ATG7: variants seen among roughly 807,000 people sequenced by gnomAD.
The protein encoded by ATG7 is ubiquitin-like modifier-activating enzyme ATG7.
Under a neutral mutation model 82.4 loss-of-function variants are expected in ATG7, and 70 were observed. That is an observed-to-expected ratio of 0.85 (90% CI 0.70 to 1.04). The LOEUF is 1.04. Ranked by LOEUF, ATG7 falls within the 50% of genes least tolerant of loss-of-function variation. ATG7 has a pLI of 0.00. For synonymous variants in ATG7, 287 were observed against 313.0 expected, an observed-to-expected ratio of 0.92 and a Z score of 0.88; for missense variants, 792 against 864.3, an observed-to-expected ratio of 0.92 and a Z score of 1.05.
chr3:11,393,003 C>T (rs999160064), intron 19 of ATG7, among the ~76,000 whole-genome samples: 4 of 152,274 alleles, frequency 2.6e-5, no homozygotes, highest in South Asian at 4.1e-4. Flanking sequence ...ATGTATCTCA[C>T]GTCAAAGTTT....
At chr3:11,340,559 G>A (rs1246666963) in intron 11 of ATG7, 86 bp from the exon 12 acceptor site, 10 of 1,217,586 alleles carry the variant, frequency 8.2e-6, no homozygotes, top group African/African-American at 6.1e-5. Flanking sequence ...TATGAATGTC[G>A]ATCTTTTTTA....
chr3:11,339,344 A>G (rs1283316923), intron 11 of ATG7, among the ~76,000 whole-genome samples: 2 of 151,960 alleles, frequency 1.3e-5, no homozygotes, highest in African/African-American at 2.4e-5. Context: ...GTATAATTAG[A>G]AACAAAATTA....
intron 20 of ATG7, among the ~76,000 whole-genome samples, chr3:11,483,512 C>G (rs1052128667): frequency 2.0e-5 from 3 of 152,142 alleles, no homozygotes; most frequent in Non-Finnish European, 4.4e-5. Context: ...ACTGCACTCC[C>G]CTTCCGATGT....
chr3:11,285,601 C>G (rs2152655915), intron 3 of ATG7, among the ~76,000 whole-genome samples: 1 of 152,304 alleles, frequency 6.6e-6, no homozygotes, highest in East Asian at 1.9e-4. Flanking sequence ...ATATTTCCAT[C>G]TCCCCAGGAG....
chr3:11,386,074 G>C (rs2078296905), intron 19 of ATG7, among the ~76,000 whole-genome samples: 1 of 152,150 alleles, frequency 6.6e-6, no homozygotes, highest in African/African-American at 2.4e-5. Context: ...GTGGTGTGGA[G>C]GGCAGGAAGT....
the ATG7 span, chr3:11,564,631 T>C: frequency 1.2e-6 from 1 of 810,336 alleles, no homozygotes; most frequent in Non-Finnish European, 1.9e-6. Flanking sequence ...CTGTCCCTTG[T>C]CCCAAGTGCA....
chr3:11,406,473 C>T (rs1030650341), intron 19 of ATG7, among the ~76,000 whole-genome samples: 1 of 151,856 alleles, frequency 6.6e-6, no homozygotes, highest in African/African-American at 2.4e-5. Flanking sequence ...GCCCAGTTAA[C>T]TTAAAAAAAA....
rs549891757 is a variant in ATG7, at chr3:11,379,947, ATTGTT to A, written c.1876-13_1876-9del. ...TGTGGTCGTTGTGTGTTTGATGTGAATTGTTTTGTTTTGTTTGTTTTTAGATCCGG... is the reference window on the plus strand; with the variant it reads ...TGTGGTCGTTGTGTGTTTGATGTGAATTGTTTTGTTTGTTTTTAGATCCGG... On this transcript the variant is annotated intron_variant, in intron 18 of 20. Transcript: ENST00000693202. 227 of 1,607,750 alleles carry A rather than the reference ATTGTT, an allele frequency of 1.4e-4. 1 individual carries two copies. In the African/African-American group the frequency reaches 2.2e-3, roughly 16 times the overall value.
At chr3:11,529,019 G>GGAC (rs1410754746) in intron 20 of ATG7, among the ~76,000 whole-genome samples, 2 of 151,978 alleles carry the variant, frequency 1.3e-5, no homozygotes, top group African/African-American at 4.8e-5. Flanking sequence ...TGGGCCTGGA[G>GGAC]GACATTTCAG....
At chr3:11,476,879 A>T (rs1250317129) in intron 20 of ATG7, among the ~76,000 whole-genome samples, 1 of 152,202 alleles carries the variant, frequency 6.6e-6, no homozygotes, top group Non-Finnish European at 1.5e-5. Context: ...TTTAATGTTG[A>T]GCATCTGGAT....
chr3:11,344,438 G>A (rs1355271856), intron 13 of ATG7, among the ~76,000 whole-genome samples: 2 of 152,206 alleles, frequency 1.3e-5, no homozygotes, highest in African/African-American at 4.8e-5. Flanking sequence ...TATCAGAAAT[G>A]TCGAGCTTTA....
intron 19 of ATG7, among the ~76,000 whole-genome samples, chr3:11,407,431 C>T (rs2080449931): frequency 2.0e-5 from 3 of 152,182 alleles, no homozygotes; most frequent in Non-Finnish European, 4.4e-5. Context: ...GCACAGTTGT[C>T]AGTGGATCTA....
intron 20 of ATG7, among the ~76,000 whole-genome samples, chr3:11,547,232 T>G (rs962270446): frequency 2.6e-5 from 4 of 152,244 alleles, no homozygotes; most frequent in African/African-American, 9.6e-5. Context: ...CTTGGTCTCC[T>G]TGACAAGTTC....
At chr3:11,532,447 G>A (rs564090123) in intron 20 of ATG7, among the ~76,000 whole-genome samples, 2 of 152,318 alleles carry the variant, frequency 1.3e-5, no homozygotes, top group Admixed American at 6.5e-5. Flanking sequence ...CTCAGGCTGG[G>A]TGCAGTGCCT....
intron 20 of ATG7, among the ~76,000 whole-genome samples, chr3:11,492,474 A>T (rs2090452374): frequency 6.6e-6 from 1 of 152,226 alleles, no homozygotes; most frequent in African/African-American, 2.4e-5. Flanking sequence ...CTATTCAGCC[A>T]TCTTGGCTCC....
intron 19 of ATG7, among the ~76,000 whole-genome samples, chr3:11,394,096 A>C (rs2079027918): frequency 6.6e-6 from 1 of 152,206 alleles, no homozygotes. Flanking sequence ...GGGTCATAGA[A>C]TGAGTAAATT....
chr3:11,390,024 A>G (rs1447657379), intron 19 of ATG7, among the ~76,000 whole-genome samples: 1 of 152,194 alleles, frequency 6.6e-6, no homozygotes, highest in African/African-American at 2.4e-5. Flanking sequence ...AGGACCTTGA[A>G]GGGAGAGGGT....
intron 20 of ATG7, among the ~76,000 whole-genome samples, chr3:11,494,762 G>C (rs1008724754): frequency 3.3e-5 from 5 of 152,056 alleles, no homozygotes; most frequent in Non-Finnish European, 7.4e-5. Flanking sequence ...GTTGAGGAGG[G>C]GACTCATGCA....
intron 19 of ATG7, among the ~76,000 whole-genome samples, chr3:11,388,692 T>C (rs112066480): frequency 0.038 from 5,842 of 152,118 alleles, 120 homozygotes; most frequent in African/African-American, 0.051. Flanking sequence ...CCTCCCAAAG[T>C]GCTGGGATTA....
Sources: allele counts gnomAD v4.1 joint callset (sites outside exome capture counted in the v4.1 genomes callset), GRCh38; gene constraint gnomAD v4.1.1; transcripts MANE v1.5; gene names NCBI Gene and HGNC (gene_info 2026-07-23, HGNC 2026-07-21).